PRMT8: variants seen among roughly 807,000 people sequenced by gnomAD.
PRMT8 encodes the protein protein arginine N-methyltransferase 8.
PRMT8 carries 7 observed loss-of-function variants against 47.1 expected under a neutral mutation model. The ratio of observed to expected loss-of-function variants is 0.15; its 90% CI spans 0.08 to 0.28. The LOEUF is 0.28. Ranked by LOEUF, PRMT8 falls within the 10% of genes least tolerant of loss-of-function variation. PRMT8 has a pLI of 1.00. For synonymous variants in PRMT8, 188 were observed against 186.5 expected (o/e 1.01, Z -0.07); for missense variants, 237 against 505.4 (o/e 0.47, Z 5.09).
chr12:3,573,245 C>G (rs1034514930), intron 6 of PRMT8, among the ~76,000 whole-genome samples: 3 of 152,048 alleles, frequency 2.0e-5, no homozygotes, highest in African/African-American at 7.2e-5. Flanking sequence ...TGGTTATTCC[C>G]TGATATATTC....
intron 1 of PRMT8, among the ~76,000 whole-genome samples, chr12:3,474,227 G>T (rs1865187132): frequency 6.6e-6 from 1 of 152,160 alleles, no homozygotes; most frequent in African/African-American, 2.4e-5. Context: ...GGAGAGAGGG[G>T]CTCAGATAGG....
At chr12:3,543,241 T>TC (rs1359049634) in intron 2 of PRMT8, among the ~76,000 whole-genome samples, 2 of 152,054 alleles carry the variant, frequency 1.3e-5, no homozygotes, top group South Asian at 2.1e-4. Context: ...TAACCTTCCT[T>TC]CCCCCCGAGG....
At chr12:3,431,902 G>A (rs570051819) in intron 1 of PRMT8, among the ~76,000 whole-genome samples, 4 of 152,202 alleles carry the variant, frequency 2.6e-5, no homozygotes, top group African/African-American at 4.8e-5. Flanking sequence ...GAGGAACCTC[G>A]CTGGCAGCAG....
intron 1 of PRMT8, among the ~76,000 whole-genome samples, chr12:3,476,010 G>A (rs1392876199): frequency 6.6e-6 from 1 of 152,174 alleles, no homozygotes; most frequent in Non-Finnish European, 1.5e-5. Context: ...TGGAAACTCA[G>A]CAGAGCCTTT....
chr12:3,544,020 G>T (rs1165890288), intron 2 of PRMT8, among the ~76,000 whole-genome samples: 1 of 152,184 alleles, frequency 6.6e-6, no homozygotes, highest in East Asian at 1.9e-4. Context: ...CTCCCGGCCA[G>T]CTCCCTTCCT....
At chr12:3,522,387 C>T (rs542687421) in intron 1 of PRMT8, among the ~76,000 whole-genome samples, 10 of 152,184 alleles carry the variant, frequency 6.6e-5, no homozygotes, top group East Asian at 1.9e-4. Flanking sequence ...AAGCTCAGGC[C>T]GGGCGCGGTG....
At chr12:3,553,828 T>G (rs1866472227) in intron 4 of PRMT8, 114 bp downstream of exon 4, 3 of 980,000 alleles carry the variant, frequency 3.1e-6, no homozygotes, top group Non-Finnish European at 1.6e-6. Context: ...GGGGAGGTGG[T>G]GCACCCAGCT....
chr12:3,557,197 T>C lies in PRMT8; in HGVS notation c.481+3483T>C, dbSNP rs1412602226. On this transcript the variant is annotated intron_variant, in intron 4 of 9. Coordinates refer to ENST00000382622, the MANE Select transcript of PRMT8 (RefSeq NM_019854.5). This position sits in a 1 kb window ranked among gnomAD's most constrained non-coding sequence, Gnocchi z 4.7. ...GAGATGTGTGACCATAGAGGCTCAG[T>C]GAGTCCCATCCTTGCTGTTGTGTGA... is the stretch of plus-strand genomic sequence containing the variant. Among the ~76,000 whole-genome samples the C allele has an allele frequency of 6.6e-6, 1 of 152,062 alleles. No homozygotes were observed. The highest frequency in any genetic ancestry group is 1.5e-5 in the Non-Finnish European group (1 of 68,008).
chr12:3,472,443 G>T (rs1039096617), intron 1 of PRMT8, among the ~76,000 whole-genome samples: 4 of 152,350 alleles, frequency 2.6e-5, no homozygotes, highest in Admixed American at 2.6e-4. Flanking sequence ...AGTGGGTAAA[G>T]GTGCTTGGCT....
chr12:3,478,792 G>A (rs1217612784), intron 1 of PRMT8, among the ~76,000 whole-genome samples: 4 of 152,198 alleles, frequency 2.6e-5, no homozygotes, highest in Admixed American at 2.6e-4. Flanking sequence ...AATAGAGAGG[G>A]GCAAGTGCAA....
intron 1 of PRMT8, among the ~76,000 whole-genome samples, chr12:3,473,592 C>T (rs927476176): frequency 5.9e-5 from 9 of 152,124 alleles, no homozygotes. Flanking sequence ...GACAACTCCC[C>T]ACTGGGATCT....
rs1206375198 is a variant in PRMT8, at chr12:3,568,994, A to T, written c.624+146A>T. On this transcript the variant is annotated intron_variant, in intron 5 of 9. Coordinates refer to ENST00000382622, the MANE Select transcript of PRMT8 (RefSeq NM_019854.5). ...CCCCAAGCCCCTCTCTCTAGAGCAG[A>T]TCTGTATCAGGGAACAGAATGGTTG... The T allele has an allele frequency of 3.5e-6, 4 of 1,141,256 alleles. No individual in the cohort carries two copies. In the Admixed American group the frequency reaches 7.1e-5, roughly 20 times the overall value. The allele number at this position is 1,141,256 out of a possible 1,614,324, so 70.7% of individuals were successfully genotyped here. A position where few individuals can be genotyped will look rare whatever the true frequency, so the allele number is the denominator to read the frequency against.
intron 4 of PRMT8, among the ~76,000 whole-genome samples, chr12:3,556,642 A>C (rs974065410): frequency 2.0e-5 from 3 of 152,244 alleles, no homozygotes; most frequent in African/African-American, 7.2e-5. Flanking sequence ...GTAGCTGTAA[A>C]GGAAGGTGGC....
rs774636784 is a variant in PRMT8, at chr12:3,566,889, C to T, written c.482-1817C>T. Among the ~76,000 whole-genome samples, 20 of 152,186 alleles carry T rather than the reference C, an allele frequency of 1.3e-4. No individual in the cohort carries two copies. Among genetic ancestry groups the T allele is most frequent in the Non-Finnish European group, 2.2e-4 (15 of 68,042 alleles). On this transcript the variant is annotated intron_variant, in intron 4 of 9. Transcript: ENST00000382622. This position sits in a 1 kb window ranked among gnomAD's most constrained non-coding sequence, Gnocchi z 4.7. ...GAAATGTTCAGAAAGAACAAACCAACCAATACATCAGCCTGCCAATTTAAC... is the reference window on the plus strand; with the variant it reads ...GAAATGTTCAGAAAGAACAAACCAATCAATACATCAGCCTGCCAATTTAAC...
chr12:3,581,986 T>A (rs949818925), intron 7 of PRMT8, among the ~76,000 whole-genome samples: 21 of 152,184 alleles, frequency 1.4e-4, no homozygotes, highest in Admixed American at 1.3e-3. Flanking sequence ...CTCTCCTAAT[T>A]CCTACTAATA....
Position 3,409,547 on chromosome 12 carries a change from G to A in PRMT8, c.48+28105G>A, listed in dbSNP as rs1037129137. 6.7e-6 allele frequency among the ~76,000 whole-genome samples: 1 copy of A among 149,990 alleles called. No homozygotes were observed. Among genetic ancestry groups the A allele is most frequent in the Non-Finnish European group, 1.5e-5 (1 of 67,700 alleles). ...CAGCAATGACTCTATTCATCGAGGA[G>A]GTGGGGTGCTTCAGCAGCTCCGAAT... On this transcript the variant is annotated intron_variant, in intron 1 of 9. Coordinates refer to the PRMT8 transcript ENST00000452611. This position sits in a 1 kb window ranked among gnomAD's most constrained non-coding sequence, Gnocchi z 4.4.
chr12:3,476,560 C>G (rs1410139008), intron 1 of PRMT8, among the ~76,000 whole-genome samples: 1 of 152,160 alleles, frequency 6.6e-6, no homozygotes, highest in Non-Finnish European at 1.5e-5. Context: ...TGTTCCCTCT[C>G]CCTCTCCCAT....
Position 3,566,916 on chromosome 12 carries a change from G to A in PRMT8, c.482-1790G>A, listed in dbSNP as rs1242173402. ...AATACATCAGCCTGCCAATTTAACAGTGGTATCTAAACTAGCTTGCTCAGA... is the reference window on the plus strand; with the variant it reads ...AATACATCAGCCTGCCAATTTAACAATGGTATCTAAACTAGCTTGCTCAGA... On this transcript the variant is annotated intron_variant, in intron 4 of 9. Transcript: ENST00000382622. The surrounding 1 kb of genome is among the most constrained non-coding windows in gnomAD (Gnocchi z 4.7). Among the ~76,000 whole-genome samples the A allele has an allele frequency of 6.6e-6, 1 of 152,208 alleles. No homozygotes were observed. Among genetic ancestry groups the A allele is most frequent in the Non-Finnish European group, 1.5e-5 (1 of 68,034 alleles).
At chr12:3,426,212 C>G (rs1331409944) in intron 1 of PRMT8, among the ~76,000 whole-genome samples, 1 of 152,236 alleles carries the variant, frequency 6.6e-6, no homozygotes, top group Non-Finnish European at 1.5e-5. Context: ...ACAAGTATAA[C>G]AATTGCTTTT....
Sources: gnomAD v4.1 joint callset for allele counts (sites outside exome capture counted in the v4.1 genomes callset) on GRCh38, gnomAD v4.1.1 for gene constraint, Gnocchi (gnomAD v3.1) non-coding constraint, MANE v1.5 for transcripts, NCBI Gene and HGNC (gene_info 2026-07-23, HGNC 2026-07-21) for gene names.